Variants in PCDH15 observed in about 807,000 individuals in gnomAD.
PCDH15 encodes the protein protocadherin-15.
PCDH15 carries 129 observed loss-of-function variants against 178.5 expected under a neutral mutation model. That is an observed-to-expected ratio of 0.72 (90% CI 0.63 to 0.84). The LOEUF (loss-of-function observed/expected upper bound fraction) is 0.84. PCDH15 is among the 40% of genes least tolerant of loss of function. PCDH15 has a pLI of 0.00. For synonymous variants in PCDH15, 800 were observed against 732.0 expected (o/e 1.09, Z -1.50); for missense variants, 2,230 against 2,099.9 (o/e 1.06, Z -1.21).
chr10:54,851,033 GT>G lies in PCDH15; in HGVS notation c.-29+46416del, dbSNP rs200050367. On this transcript the variant is annotated intron_variant, in intron 3 of 5. Coordinates refer to the PCDH15 transcript ENST00000458638. ...TCATATAACACAAACTGTGACTAGC[GT>G]TTTAGTTTATATGCTGATCATAAAT... 3.5e-4 allele frequency among the ~76,000 whole-genome samples: 54 copies of G among 152,172 alleles called. No individual in the cohort carries two copies. The East Asian group carries it at 9.7e-3, about 27-fold the overall frequency.
At chr10:55,119,497 C>CAAA (rs11441706) in intron 2 of PCDH15, among the ~76,000 whole-genome samples, 17 of 147,082 alleles carry the variant, frequency 1.2e-4, no homozygotes, top group African/African-American at 3.2e-4. Context: ...ATCATTCATA[C>CAAA]AAAAAAAAAA....
chr10:55,024,266 CATAGAT>C (rs1840419149), intron 2 of PCDH15, among the ~76,000 whole-genome samples: 1 of 146,384 alleles, frequency 6.8e-6, no homozygotes, highest in African/African-American at 2.5e-5. Context: ...CACACACACT[CATAGAT>C]ATAGGAAGGA....
intron 8 of PCDH15, among the ~76,000 whole-genome samples, chr10:54,253,218 C>A (rs1255550144): frequency 6.6e-6 from 1 of 151,846 alleles, no homozygotes; most frequent in African/African-American, 2.4e-5. Flanking sequence ...ATAAAAATAA[C>A]TTTGTTTTGA....
chr10:55,081,281 T>C (rs1168087697), intron 2 of PCDH15, among the ~76,000 whole-genome samples: 1 of 152,076 alleles, frequency 6.6e-6, no homozygotes, highest in Non-Finnish European at 1.5e-5. Flanking sequence ...AGTTTTGTTC[T>C]TTTTTTCTGG....
At chr10:54,464,044 T>A (rs1007639825) in intron 3 of PCDH15, among the ~76,000 whole-genome samples, 3 of 152,056 alleles carry the variant, frequency 2.0e-5, no homozygotes, top group African/African-American at 7.2e-5. Context: ...TTGTGGCGGT[T>A]TAGGAAGGAA....
At chr10:54,281,382 T>A (rs2058697267) in intron 8 of PCDH15, among the ~76,000 whole-genome samples, 1 of 151,984 alleles carries the variant, frequency 6.6e-6, no homozygotes, top group African/African-American at 2.4e-5. Flanking sequence ...AGAAAAGATT[T>A]GTGGATATGA....
chr10:53,944,230 A>G (rs2086332047), intron 23 of PCDH15, among the ~76,000 whole-genome samples: 2 of 152,212 alleles, frequency 1.3e-5, no homozygotes, highest in Admixed American at 6.5e-5. Flanking sequence ...TTTATGAACG[A>G]TCAATGGGAA....
At chr10:55,407,560 A>G (rs1186946066) in intron 2 of PCDH15, among the ~76,000 whole-genome samples, 1 of 152,122 alleles carries the variant, frequency 6.6e-6, no homozygotes, top group Non-Finnish European at 1.5e-5. Flanking sequence ...ACAAAGATTA[A>G]TGTGAATCTT....
intron 1 of PCDH15, among the ~76,000 whole-genome samples, chr10:55,283,450 A>G (rs1842785481): frequency 1.3e-5 from 2 of 152,030 alleles, no homozygotes; most frequent in Admixed American, 1.3e-4. Context: ...CTCTGCATGA[A>G]TTAAACTCTT....
chr10:54,803,767 G>A (rs1434919112), upstream of PCDH15, among the ~76,000 whole-genome samples: 2 of 152,152 alleles, frequency 1.3e-5, no homozygotes, highest in African/African-American at 2.4e-5. Flanking sequence ...TTTACTTTAC[G>A]ACGGAAAGAG....
At chr10:54,251,377 T>TA (rs2056456575) in intron 8 of PCDH15, among the ~76,000 whole-genome samples, 1 of 152,210 alleles carries the variant, frequency 6.6e-6, no homozygotes, top group South Asian at 2.1e-4. Flanking sequence ...TGTTTTTCCT[T>TA]ACAGTATCTT....
At chr10:54,290,815 G>A (rs1011926068) in intron 8 of PCDH15, among the ~76,000 whole-genome samples, 1 of 152,130 alleles carries the variant, frequency 6.6e-6, no homozygotes, top group Non-Finnish European at 1.5e-5. Flanking sequence ...TTACATAATG[G>A]TTAAAGGGAT....
chr10:54,863,399 G>A lies in PCDH15; in HGVS notation c.-29+34051C>T, dbSNP rs541534253. Among the ~76,000 whole-genome samples, 15 of 152,156 alleles carry A rather than the reference G, an allele frequency of 9.9e-5. No homozygotes were observed. The South Asian group carries it at 2.5e-3, about 25-fold the overall frequency. On this transcript the variant is annotated intron_variant, in intron 3 of 5. Transcript: ENST00000458638. ...CTACTAAAAATACAAAAAATTAGCC[G>A]GGCATGGTGGCGGGTCCCTGTAGTC...
intron 2 of PCDH15, among the ~76,000 whole-genome samples, chr10:55,462,935 T>G (rs989687404): frequency 6.6e-6 from 1 of 152,210 alleles, no homozygotes; most frequent in African/African-American, 2.4e-5. Flanking sequence ...GGCTCTGCCT[T>G]TATTCTGATT....
chr10:55,039,307 G>C (rs953195160), intron 2 of PCDH15, among the ~76,000 whole-genome samples: 5 of 151,982 alleles, frequency 3.3e-5, no homozygotes, highest in Admixed American at 2.6e-4. Context: ...AACAAAAAAA[G>C]ACATGAGCAG....
intron 2 of PCDH15, among the ~76,000 whole-genome samples, chr10:55,012,364 G>T (rs1840064407): frequency 6.6e-6 from 1 of 152,012 alleles, no homozygotes; most frequent in South Asian, 2.1e-4. Flanking sequence ...TTAAAAATTA[G>T]ATATTTTGAA....
chr10:54,151,877 T>C (rs1030816708), intron 14 of PCDH15, among the ~76,000 whole-genome samples: 2 of 152,150 alleles, frequency 1.3e-5, no homozygotes, highest in Non-Finnish European at 2.9e-5. Flanking sequence ...GAAAACAGCA[T>C]TGAGGTAAGT....
At chr10:54,175,542 G>T (rs2047351456) in intron 13 of PCDH15, among the ~76,000 whole-genome samples, 1 of 152,120 alleles carries the variant, frequency 6.6e-6, no homozygotes, top group South Asian at 2.1e-4. Context: ...GCATGTGATA[G>T]TAGTTTATAT....
rs1253921248 is a variant in PCDH15, at chr10:55,314,205, A to G, written c.-156+5394T>C. On this transcript the variant is annotated intron_variant, in intron 1 of 5. Coordinates refer to the PCDH15 transcript ENST00000458638. ...ACATTATATATGTTTGTGTGTATAT[A>G]TATATATATATATATGTAATGATAA... Among the ~76,000 whole-genome samples, 3 of 141,962 alleles carry G rather than the reference A, an allele frequency of 2.1e-5. 1 individual carries two copies. The highest frequency in any genetic ancestry group is 7.5e-5 in the African/African-American group (3 of 39,772). The allele number at this position is 141,962 out of a possible 152,430, so 93.1% of individuals were successfully genotyped here. A position where few individuals can be genotyped will look rare whatever the true frequency, so the allele number is the denominator to read the frequency against.
Sources: allele counts gnomAD v4.1 joint callset (sites outside exome capture counted in the v4.1 genomes callset), GRCh38; gene constraint gnomAD v4.1.1; transcripts MANE v1.5; gene names NCBI Gene and HGNC (gene_info 2026-07-23, HGNC 2026-07-21).